The following GABRG2 variants were observed in gnomAD, a reference collection of about 807,000 sequenced individuals.
GABRG2 encodes gamma-aminobutyric acid receptor subunit gamma-2.
Under a neutral mutation model 56.4 loss-of-function variants are expected in GABRG2, and 16 were observed. The observed-to-expected ratio is 0.28, with a 90% CI of 0.19 to 0.43. The LOEUF (loss-of-function observed/expected upper bound fraction) is 0.43, where lower values mean the gene tolerates loss of function less well. GABRG2 is among the 20% of genes least tolerant of loss of function. The pLI, the probability that GABRG2 is intolerant of heterozygous loss-of-function variation, is 1.00. For missense variants in GABRG2, 327 were observed against 582.7 expected, an observed-to-expected ratio of 0.56 and a Z score of 4.52; for synonymous variants, 208 against 205.5, an observed-to-expected ratio of 1.01 and a Z score of -0.10.
intron 1 of GABRG2, among the ~76,000 whole-genome samples, chr5:162,092,756 A>G (rs1303345279): frequency 6.6e-6 from 1 of 152,146 alleles, no homozygotes; most frequent in African/African-American, 2.4e-5. Flanking sequence ...ATTCTATACT[A>G]TATGTTTAGA....
intron 6 of GABRG2, among the ~76,000 whole-genome samples, chr5:162,113,341 T>C (rs746698107): frequency 2.6e-4 from 40 of 152,262 alleles, no homozygotes; most frequent in Non-Finnish European, 2.9e-5. Context: ...TTTTCACATT[T>C]CTCTGTTTTC....
intron 6 of GABRG2, chr5:162,128,533 T>C (rs1763499016): frequency 6.6e-6 from 1 of 151,924 alleles, no homozygotes; most frequent in Non-Finnish European, 1.5e-5. Context: ...ATTTGCAAAA[T>C]GCTGTTGCTC....
chr5:162,090,229 A>T (rs1252896607), intron 1 of GABRG2, among the ~76,000 whole-genome samples: 7 of 151,834 alleles, frequency 4.6e-5, no homozygotes, highest in Non-Finnish European at 7.4e-5. Context: ...ATTTTTATTT[A>T]AAAAAAACCC....
At chr5:162,074,474 T>TAGTA (rs1758928381) in intron 1 of GABRG2, among the ~76,000 whole-genome samples, 1 of 152,004 alleles carries the variant, frequency 6.6e-6, no homozygotes, top group Admixed American at 6.6e-5. Context: ...AAAGTCTACC[T>TAGTA]AGTAAGACAA....
At chr5:162,094,297 CAA>C in intron 2 of GABRG2, 1 of 356,842 alleles carries the variant, frequency 2.8e-6, no homozygotes, top group Non-Finnish European at 5.2e-6. Context: ...ACAAATCAAA[CAA>C]GACAATAACA....
upstream of GABRG2, chr5:162,067,554 C>T (rs1758305177): frequency 4.6e-6 from 2 of 432,232 alleles, no homozygotes; most frequent in Admixed American, 3.8e-5. Flanking sequence ...TAAATACACA[C>T]ACCCACAGGG....
intron 1 of GABRG2, among the ~76,000 whole-genome samples, chr5:162,081,348 A>G (rs1759648977): frequency 6.6e-6 from 1 of 152,094 alleles, no homozygotes; most frequent in Admixed American, 6.6e-5. Flanking sequence ...TTAAGTTATC[A>G]TACAGCATAA....
At chr5:162,138,423 C>T (rs1764298712) in intron 6 of GABRG2, among the ~76,000 whole-genome samples, 1 of 152,110 alleles carries the variant, frequency 6.6e-6, no homozygotes, top group Non-Finnish European at 1.5e-5. Context: ...TGCATTGTCC[C>T]AGAACATCTC....
In GABRG2 at chr5:162,153,142, A is replaced by T. The variant is rs778999273; in HGVS notation, c.1202A>T (p.Asn401Ile). Residue 401 changes from asparagine to isoleucine, a missense_variant, in exon 10 of 10, where the codon AAT (asparagine) becomes ATT (isoleucine). Asn to Ile is a moderately radical substitution (Grantham distance 149). Transcript: ENST00000639213. Reference protein sequence around the residue: ...RPRSATIQMNNATHLQERDEE... With the variant: ...RPRSATIQMNIATHLQERDEE... ...AGATCAGCAACCATTCAAATGAATA[A>T]TGCTACACACCTTCAAGAGAGAGAT... The T allele has an allele frequency of 3.4e-5, 55 of 1,613,962 alleles. No individual in the cohort carries two copies. Among genetic ancestry groups the T allele is most frequent in the Non-Finnish European group, 4.7e-5 (55 of 1,179,974 alleles).
At chr5:162,068,766 CCA>C (rs1020472253) in intron 1 of GABRG2, among the ~76,000 whole-genome samples, 4 of 152,062 alleles carry the variant, frequency 2.6e-5, no homozygotes, top group Non-Finnish European at 4.4e-5. Flanking sequence ...CTCAGGGCAT[CCA>C]CAGAGTCAGA....
intron 6 of GABRG2, among the ~76,000 whole-genome samples, chr5:162,131,526 T>C (rs1763758092): frequency 6.6e-6 from 1 of 151,972 alleles, no homozygotes; most frequent in Non-Finnish European, 1.5e-5. Flanking sequence ...TTTTGTAATA[T>C]TTTAAATTCT....
chr5:162,068,168 G>T, intron 1 of GABRG2, 62 bp downstream of exon 1: 1 of 1,150,404 alleles, frequency 8.7e-7, no homozygotes, highest in Non-Finnish European at 1.3e-6. Flanking sequence ...GTGTGGGGAG[G>T]GGTAACTCGG....
chr5:162,093,621 G>A (rs1019249293), intron 1 of GABRG2, among the ~76,000 whole-genome samples: 5 of 152,102 alleles, frequency 3.3e-5, no homozygotes, highest in African/African-American at 1.2e-4. Flanking sequence ...CCATGGGAGG[G>A]CAAAGAATTC....
At chr5:162,104,527 G>T (rs1445565137) in intron 6 of GABRG2, among the ~76,000 whole-genome samples, 1 of 152,060 alleles carries the variant, frequency 6.6e-6, no homozygotes, top group Non-Finnish European at 1.5e-5. Flanking sequence ...AATTGCATCA[G>T]TTATAAGCTA....
At chr5:162,067,563 G>T, upstream of GABRG2, 1 of 440,396 alleles carries the variant, frequency 2.3e-6, no homozygotes, top group Non-Finnish European at 4.0e-6. Context: ...ACACCCACAG[G>T]GCTCTGCCCC....
chr5:162,130,509 G>A (rs10066759), intron 6 of GABRG2, among the ~76,000 whole-genome samples: 28 of 151,794 alleles, frequency 1.8e-4, no homozygotes, highest in African/African-American at 6.5e-4. Context: ...AATCAGGTCC[G>A]GCTTCAAATG....
intron 1 of GABRG2, among the ~76,000 whole-genome samples, chr5:162,077,532 T>C (rs1011780314): frequency 6.6e-6 from 1 of 152,188 alleles, no homozygotes; most frequent in Non-Finnish European, 1.5e-5. Context: ...TATTTTATTA[T>C]AAGAAACTTA....
At chr5:162,095,282 T>C (rs1039287374) in intron 2 of GABRG2, among the ~76,000 whole-genome samples, 6 of 152,158 alleles carry the variant, frequency 3.9e-5, no homozygotes. Flanking sequence ...AAAACTCTAC[T>C]ATGCGTGCTT....
chr5:162,124,971 T>TGA (rs1763231028), intron 6 of GABRG2, among the ~76,000 whole-genome samples: 2 of 151,142 alleles, frequency 1.3e-5, no homozygotes, highest in Admixed American at 1.3e-4. Context: ...TGTGTGTGTG[T>TGA]GTGTGTGTGT....
Sources: gnomAD v4.1 joint callset for allele counts (sites outside exome capture counted in the v4.1 genomes callset) on GRCh38, gnomAD v4.1.1 for gene constraint, MANE v1.5 for transcripts, NCBI Gene and HGNC (gene_info 2026-07-23, HGNC 2026-07-21) for gene names.